MTO1: variants seen among roughly 807,000 people sequenced by gnomAD.
The protein encoded by MTO1 is mitochondrial tRNA translation optimization 1.
MTO1 carries 46 observed loss-of-function variants against 71.6 expected under a neutral mutation model. The ratio of observed to expected loss-of-function variants is 0.64; its 90% CI spans 0.51 to 0.82. The LOEUF (loss-of-function observed/expected upper bound fraction) is 0.82. Ranked by LOEUF, MTO1 falls within the 40% of genes least tolerant of loss-of-function variation. The pLI, the probability that MTO1 is intolerant of heterozygous loss-of-function variation, is 0.00. For synonymous variants in MTO1, 297 were observed against 312.1 expected (o/e 0.95, Z 0.51); for missense variants, 773 against 867.5 (o/e 0.89, Z 1.37).
chr6:73,501,644 ACTCAGATAC>A lies in MTO1; in HGVS notation c.*923_*931del, dbSNP rs1177741507. On this transcript the variant is annotated 3_prime_UTR_variant, in exon 12 of 12. Transcript: ENST00000498286. Reference sequence around the variant, plus strand: ...GTGGGATAATCAGCTGGGCCTTTTGACTCAGATACCTCAGATACCTCAACCATTCTAAAT... The same window carrying A: ...GTGGGATAATCAGCTGGGCCTTTTGACTCAGATACCTCAACCATTCTAAAT... 6 of 152,066 alleles carry A rather than the reference ACTCAGATAC, an allele frequency of 3.9e-5. No homozygotes were observed. The highest frequency in any genetic ancestry group is 9.7e-5 in the African/African-American group (4 of 41,386). The allele number at this position is 152,066 out of a possible 1,614,324, so 9.4% of individuals were successfully genotyped here. A position where few individuals can be genotyped will look rare whatever the true frequency, so the allele number is the denominator to read the frequency against.
chr6:73,483,438 A>T (rs942010882), intron 9 of MTO1, among the ~76,000 whole-genome samples: 1 of 151,622 alleles, frequency 6.6e-6, no homozygotes, highest in East Asian at 1.9e-4. Context: ...ATATATATAT[A>T]TTCTAAATTA....
At chr6:73,462,522 A>T (rs1021294310) in intron 1 of MTO1, among the ~76,000 whole-genome samples, 3 of 152,140 alleles carry the variant, frequency 2.0e-5, no homozygotes, top group African/African-American at 2.4e-5. Flanking sequence ...TGAGGTCAGG[A>T]GTTTGAGACC....
chr6:73,477,823 TTCC>T (rs1771371054), intron 4 of MTO1, among the ~76,000 whole-genome samples: 1 of 152,104 alleles, frequency 6.6e-6, no homozygotes, highest in Admixed American at 6.6e-5. Flanking sequence ...AACCTTTTTA[TTCC>T]CAATCAAGGG....
chr6:73,473,996 G>A (rs1771234728), intron 4 of MTO1, among the ~76,000 whole-genome samples: 1 of 151,850 alleles, frequency 6.6e-6, no homozygotes, highest in Non-Finnish European at 1.5e-5. Context: ...ATGTTGCCCA[G>A]GCTGGTCTCG....
chr6:73,493,390 T>TGTG (rs1771883161), intron 10 of MTO1, among the ~76,000 whole-genome samples: 1 of 73,564 alleles, frequency 1.4e-5, no homozygotes, highest in Admixed American at 1.3e-4. Context: ...GTGTGTGTGT[T>TGTG]TTGGTTTTTT....
chr6:73,473,226 C>T (rs1022442486), intron 3 of MTO1, 139 bp from the exon 4 acceptor site: 14 of 880,210 alleles, frequency 1.6e-5, no homozygotes, highest in South Asian at 7.5e-5. Flanking sequence ...TTGCAGTGAG[C>T]GGACATTGCA....
intron 10 of MTO1, among the ~76,000 whole-genome samples, chr6:73,497,133 T>G (rs1326622672): frequency 6.7e-6 from 1 of 149,802 alleles, no homozygotes; most frequent in East Asian, 2.0e-4. Flanking sequence ...CAGCCAAGAT[T>G]TGCACTGACA....
rs762101591 is a variant in MTO1 at position 73,500,668 on chromosome 6, T to C, written c.2012T>C (p.Met671Thr). 2 of 1,614,032 alleles carry C rather than the reference T, an allele frequency of 1.2e-6. No individual in the cohort carries two copies. Among genetic ancestry groups the C allele is most frequent in the Admixed American group, 1.7e-5 (1 of 59,982 alleles). ...ACCACTCAACGAAGACAGTCGGCTA[T>C]GAATGAATCATCCAAGACTGATCAA... ...VKTTQRRQSA[M>T]NESSKTDQYL... The change falls in exon 12 of 12, where the codon ATG becomes ACG. Residue 671 changes from methionine to threonine, a missense_variant. By Grantham distance (81) the Met-to-Thr change is moderately conservative. Transcript: ENST00000498286.
At chr6:73,475,941 AGCC>A (rs934060387) in intron 4 of MTO1, among the ~76,000 whole-genome samples, 16 of 152,262 alleles carry the variant, frequency 1.1e-4, no homozygotes, top group African/African-American at 3.8e-4. Context: ...CTGGAAAGGC[AGCC>A]GCCCCCTTGC....
intron 6 of MTO1, 133 bp downstream of exon 6, chr6:73,480,259 T>A (rs1349959120): frequency 1.1e-6 from 1 of 946,804 alleles, no homozygotes; most frequent in Non-Finnish European, 1.7e-6. Context: ...TTTTAAATAG[T>A]CTGTTTTTTG....
Position 73,501,521 on chromosome 6 carries a change from T to G in MTO1, c.*786T>G. 1 of 152,210 alleles carries G rather than the reference T, an allele frequency of 6.6e-6. No homozygotes were observed. Among genetic ancestry groups the G allele is most frequent in the East Asian group, 1.9e-4 (1 of 5,200 alleles). 9.4% of individuals were successfully genotyped at this position (152,210 alleles called of 1,614,324 possible). On this transcript the variant is annotated 3_prime_UTR_variant, in exon 12 of 12. Coordinates refer to ENST00000498286, the MANE Select transcript of MTO1 (RefSeq NM_012123.4). ...GTCCATAGTAACTGGTGAGTGGTGT[T>G]TCCCTGTTTTTAAGTCAGAATGACA... is the stretch of plus-strand genomic sequence containing the variant.
At chr6:73,465,051 T>C (rs530013515) in intron 1 of MTO1, among the ~76,000 whole-genome samples, 1 of 152,270 alleles carries the variant, frequency 6.6e-6, no homozygotes, top group South Asian at 2.1e-4. Flanking sequence ...TGTAATTTAA[T>C]TATATTTAAT....
At chr6:73,471,237 G>A (rs990025041) in intron 3 of MTO1, among the ~76,000 whole-genome samples, 8 of 146,484 alleles carry the variant, frequency 5.5e-5, no homozygotes, top group East Asian at 2.0e-4. Context: ...GGTTTGTTCC[G>A]ATGGTTACCT....
rs1023139710 is a variant in MTO1, at chr6:73,481,027, T to C, written c.1260+222T>C. ...GTGTTGCTCTGTTGCCAGGCTGGAG[T>C]GCAGTGATATGATCTCCCAGCTTCA... On this transcript the variant is annotated intron_variant, in intron 7 of 11. Transcript: ENST00000498286. The C allele has an allele frequency of 6.2e-6, 3 of 482,436 alleles. No homozygotes were observed. In the African/African-American group the frequency reaches 6.6e-5, roughly 11 times the overall value. 29.9% of individuals were successfully genotyped at this position (482,436 alleles called of 1,614,324 possible).
intron 10 of MTO1, among the ~76,000 whole-genome samples, chr6:73,496,145 G>A (rs1450488700): frequency 6.6e-6 from 1 of 152,142 alleles, no homozygotes; most frequent in East Asian, 1.9e-4. Context: ...ATAGTCAGAG[G>A]GTAATTCATT....
In MTO1 at chr6:73,466,284, G is replaced by A. The variant is rs1561939223; in HGVS notation, c.293G>A (p.Gly98Asp). Reference sequence around the variant, plus strand: ...ATGAGGGAAGTAGATGCCTTGGATGGCCTGTGTTCTCGCATCTGTGACCAG... The same window carrying A: ...ATGAGGGAAGTAGATGCCTTGGATGACCTGTGTTCTCGCATCTGTGACCAG... ...HLMREVDALDGLCSRICDQSG... is the reference protein window; with the variant it reads ...HLMREVDALDDLCSRICDQSG... Residue 98 changes from glycine (G) to aspartate (D), a missense_variant, in exon 2 of 12, where the codon GGC becomes GAC. Transcript: ENST00000498286. 2 of 1,614,068 alleles carry A rather than the reference G, an allele frequency of 1.2e-6. No homozygotes were observed. Among genetic ancestry groups the A allele is most frequent in the Non-Finnish European group, 1.7e-6 (2 of 1,179,948 alleles).
chr6:73,471,083 T>C (rs1339731393), intron 3 of MTO1, among the ~76,000 whole-genome samples: 2 of 152,188 alleles, frequency 1.3e-5, no homozygotes, highest in African/African-American at 4.8e-5. Flanking sequence ...CATGTCTTCA[T>C]GCATATGTAT....
chr6:73,474,592 G>T lies in MTO1; in HGVS notation c.825+938G>T, dbSNP rs147557576. On this transcript the variant is annotated intron_variant, in intron 4 of 11. Transcript: ENST00000498286. Reference sequence around the variant, plus strand: ...GCCTCCCTAGTAGCTGGGATTGCAAGCACCCGCCATCATGCCTGGCTAATT... The same window carrying T: ...GCCTCCCTAGTAGCTGGGATTGCAATCACCCGCCATCATGCCTGGCTAATT... Among the ~76,000 whole-genome samples the T allele has an allele frequency of 3.1e-3, 475 of 151,974 alleles. 2 individuals are homozygous for T. The highest frequency in any genetic ancestry group is 9.6e-3 in the African/African-American group (396 of 41,456).
In MTO1 at chr6:73,466,328, G is replaced by A; in HGVS notation, c.337G>A (p.Val113Ile). 6.2e-7 allele frequency: 1 copy of A among 1,614,166 alleles called. No homozygotes were observed. The highest frequency in any genetic ancestry group is 2.2e-5 in the East Asian group (1 of 44,878). The part of the protein sequence containing the change: ...ICDQSGVHYK[V>I]LNRRKGPAVW... Reference sequence around the variant, plus strand: ...TGACCAGTCTGGTGTACATTATAAAGTATTAAACCGGCGTAAGGGACCAGC... The same window carrying A: ...TGACCAGTCTGGTGTACATTATAAAATATTAAACCGGCGTAAGGGACCAGC... The change falls in exon 2 of 12, where the codon GTA becomes ATA. Residue 113 changes from valine to isoleucine, a missense_variant. Physicochemically the swap from Val to Ile is conservative, Grantham distance 29. Coordinates refer to ENST00000498286, the MANE Select transcript of MTO1 (RefSeq NM_012123.4).
Sources: allele counts gnomAD v4.1 joint callset (sites outside exome capture counted in the v4.1 genomes callset), GRCh38; gene constraint gnomAD v4.1.1; transcripts MANE v1.5; gene names NCBI Gene and HGNC (gene_info 2026-07-23, HGNC 2026-07-21).